ZNF462: variants seen among roughly 807,000 people sequenced by gnomAD.
The protein encoded by ZNF462 is zinc finger protein 462, also known as zinc finger PBX1-interacting protein.
A neutral mutation model predicts 201.9 loss-of-function variants in ZNF462; 10 were observed. The observed-to-expected ratio is 0.05, with a 90% CI of 0.03 to 0.08. The LOEUF is 0.08. Among genes scored for constraint, ZNF462 ranks in the 10% least tolerant of loss-of-function variants. The pLI, the probability that ZNF462 is intolerant of heterozygous loss-of-function variation, is 1.00. For synonymous variants in ZNF462, 1,227 were observed against 1,193.3 expected, an observed-to-expected ratio of 1.03 and a Z score of -0.58; for missense variants, 2,523 against 3,168.3, an observed-to-expected ratio of 0.80 and a Z score of 4.89.
chr9:107,000,889 G>C (rs1040943884), intron 10 of ZNF462, among the ~76,000 whole-genome samples: 3 of 152,120 alleles, frequency 2.0e-5, no homozygotes, highest in Non-Finnish European at 4.4e-5. Flanking sequence ...AGAAGCAGGG[G>C]TTCCAGTGTG....
chr9:106,964,269 A>G (rs1342472750), intron 7 of ZNF462, among the ~76,000 whole-genome samples: 1 of 151,950 alleles, frequency 6.6e-6, no homozygotes, highest in African/African-American at 2.4e-5. Context: ...AGACTGTACC[A>G]TTTTGCATTC....
At chr9:107,002,890 A>T (rs1257551129) in intron 10 of ZNF462, among the ~76,000 whole-genome samples, 3 of 152,252 alleles carry the variant, frequency 2.0e-5, no homozygotes, top group Non-Finnish European at 2.9e-5. Context: ...GCATGCTTGC[A>T]GAACTTCTTC....
chr9:106,864,054 C>CTCTCTCTCTCTCTCTCTG (rs2130746476), intron 1 of ZNF462, among the ~76,000 whole-genome samples: 3 of 62,890 alleles, frequency 4.8e-5, no homozygotes, highest in Admixed American at 3.2e-4. Context: ...CTCTCTCTCT[C>CTCTCTCTCTCTCTCTCTG]TCTCTCTCTC....
Position 106,977,041 on chromosome 9 carries a change from TATCAGAGGAG to T in ZNF462, c.6832+2769_6832+2778del. 6.6e-6 allele frequency among the ~76,000 whole-genome samples: 1 copy of T among 152,188 alleles called. No individual in the cohort carries two copies. The highest frequency in any genetic ancestry group is 3.4e-3 in the Middle Eastern group (1 of 294). ...TGGCGGCTGAGTTCAAAGACAGAAT[TATCAGAGGAG>T]GTCAGAGGGGAAGTCCACGGATCCA... On this transcript the variant is annotated intron_variant, in intron 9 of 12. Coordinates refer to ENST00000277225, the MANE Select transcript of ZNF462 (RefSeq NM_021224.6). This position sits in a 1 kb window ranked among gnomAD's most constrained non-coding sequence, Gnocchi z 4.6.
rs1830078151 is a variant in ZNF462, at chr9:106,923,748, A to G, written c.220+145A>G. ...CATTTTTGTGGTTTGGGCATCATGT[A>G]TCTCTCCTTGAGTACCTTAGGTTTT... On this transcript the variant is annotated intron_variant, in intron 2 of 12. Transcript: ENST00000277225. The surrounding 1 kb of genome is among the most constrained non-coding windows in gnomAD (Gnocchi z 5.6). 3 of 758,158 alleles carry G rather than the reference A, an allele frequency of 4.0e-6. No homozygotes were observed. The highest frequency in any genetic ancestry group is 6.4e-6 in the Non-Finnish European group (3 of 472,402). The allele number at this position is 758,158 out of a possible 1,614,324, so 47.0% of individuals were successfully genotyped here. A position where few individuals can be genotyped will look rare whatever the true frequency, so the allele number is the denominator to read the frequency against.
chr9:106,930,638 C>A lies in ZNF462; in HGVS notation c.5961C>A (p.Leu1987=), dbSNP rs773236745. The A allele has an allele frequency of 3.7e-6, 6 of 1,614,152 alleles. No individual in the cohort carries two copies. In the South Asian group the frequency reaches 4.4e-5, roughly 12 times the overall value. The part of the protein sequence containing the change: ...HPTLRAICNH[L]RKHVQYGNVP... ...CGCTCCGAGCCATCTGCAATCACCT[C>A]CGAAAGCACGTCCAGTATGGCAATG... Residue 1987 remains leucine (L), a synonymous_variant, in exon 4 of 13, where the codon CTC becomes CTA. Coordinates refer to ENST00000277225, the MANE Select transcript of ZNF462 (RefSeq NM_021224.6). This position sits in a 1 kb window ranked among gnomAD's most constrained non-coding sequence, Gnocchi z 5.8.
chr9:106,916,570 G>A (rs573719022), intron 1 of ZNF462, among the ~76,000 whole-genome samples: 4 of 151,586 alleles, frequency 2.6e-5, no homozygotes, highest in East Asian at 3.9e-4. Flanking sequence ...GTTTAGCTCT[G>A]GGGGGGGAGA....
chr9:106,994,668 TC>T (rs1366205055), intron 10 of ZNF462, among the ~76,000 whole-genome samples: 2 of 152,152 alleles, frequency 1.3e-5, no homozygotes, highest in Non-Finnish European at 2.9e-5. Context: ...CTCTGTCTCT[TC>T]CGTGTGTTGT....
At position 106,932,505 on chromosome 9, in the gene ZNF462, G is replaced by T. The variant is rs773632518; in HGVS notation, c.6072G>T (p.Lys2024Asn). 6.2e-7 allele frequency: 1 copy of T among 1,614,266 alleles called. No homozygotes were observed. The highest frequency in any genetic ancestry group is 8.5e-7 in the Non-Finnish European group (1 of 1,180,056). ...TGGCCATGTTTACCCGCGAGGACAA[G>T]TACAGCTGCCAGTATTGCTCGTTTG... is the stretch of plus-strand genomic sequence containing the variant. ...LALAMFTRED[K>N]YSCQYCSFVS... Residue 2024 changes from lysine (K) to asparagine (N), a missense_variant, in exon 5 of 13, where the codon AAG becomes AAT. This residue lies in a region of ZNF462 where 107 missense variants were observed against 187.7 expected (regional missense o/e 0.57). Coordinates refer to ENST00000277225, the MANE Select transcript of ZNF462 (RefSeq NM_021224.6). This position sits in a 1 kb window ranked among gnomAD's most constrained non-coding sequence, Gnocchi z 6.8.
intron 1 of ZNF462, among the ~76,000 whole-genome samples, chr9:106,891,737 T>G (rs1828587187): frequency 6.6e-6 from 1 of 152,226 alleles, no homozygotes; most frequent in African/African-American, 2.4e-5. Context: ...TTGATATTTA[T>G]CTGAAGTAGC....
intron 10 of ZNF462, among the ~76,000 whole-genome samples, chr9:106,997,767 G>A (rs1212613099): frequency 2.6e-5 from 4 of 152,070 alleles, no homozygotes; most frequent in Admixed American, 6.6e-5. Context: ...GGTACGTTAG[G>A]GGTTGGCAAA....
chr9:106,970,341 C>CG lies in ZNF462; in HGVS notation c.6428-1660dup, dbSNP rs1461812687. ...TCTTGAGGAATATGAATTGAGGAGG[C>CG]GGGGAGGAGAACAAGAAGGGGAAGA... On this transcript the variant is annotated intron_variant, in intron 7 of 12. Coordinates refer to ENST00000277225, the MANE Select transcript of ZNF462 (RefSeq NM_021224.6). This position sits in a 1 kb window ranked among gnomAD's most constrained non-coding sequence, Gnocchi z 4.2. 6.6e-6 allele frequency among the ~76,000 whole-genome samples: 1 copy of CG among 151,968 alleles called. No individual in the cohort carries two copies. The highest frequency in any genetic ancestry group is 1.5e-5 in the Non-Finnish European group (1 of 68,000).
At chr9:106,878,992 T>C (rs2130910986) in intron 1 of ZNF462, among the ~76,000 whole-genome samples, 2 of 152,224 alleles carry the variant, frequency 1.3e-5, no homozygotes, top group African/African-American at 4.8e-5. Flanking sequence ...AAGTAAAGTT[T>C]AATGGTTTGG....
intron 10 of ZNF462, among the ~76,000 whole-genome samples, chr9:106,988,618 T>C (rs1352954827): frequency 2.0e-5 from 3 of 152,204 alleles, no homozygotes; most frequent in Admixed American, 2.0e-4. Flanking sequence ...AATTTGTAGA[T>C]TGCTTTTGGC....
chr9:106,997,629 C>T (rs1454614856), intron 10 of ZNF462, among the ~76,000 whole-genome samples: 1 of 152,128 alleles, frequency 6.6e-6, no homozygotes, highest in African/African-American at 2.4e-5. Context: ...GCACTTTTGA[C>T]CATCTTGCTG....
chr9:106,961,687 C>T (rs577684516), intron 7 of ZNF462, among the ~76,000 whole-genome samples: 2 of 151,878 alleles, frequency 1.3e-5, no homozygotes, highest in South Asian at 4.2e-4. Flanking sequence ...GATGGATGGC[C>T]TAATTTCAAA....
rs1173381855 is a variant in ZNF462, at chr9:106,962,475, G to T, written c.6428-9530G>T. On this transcript the variant is annotated intron_variant, in intron 7 of 12. Transcript: ENST00000277225. The surrounding 1 kb of genome is among the most constrained non-coding windows in gnomAD (Gnocchi z 4.6). ...CTTGGCCTCAGGTCAGACCTGCCTG[G>T]ATTCCTCAAAAATATAAAGAAAAAA... Among the ~76,000 whole-genome samples the T allele has an allele frequency of 2.0e-5, 3 of 151,962 alleles. No homozygotes were observed. Among genetic ancestry groups the T allele is most frequent in the Non-Finnish European group, 4.4e-5 (3 of 67,960 alleles).
chr9:106,947,486 C>G (rs1323135973), intron 7 of ZNF462, among the ~76,000 whole-genome samples: 3 of 152,170 alleles, frequency 2.0e-5, no homozygotes, highest in Non-Finnish European at 2.9e-5. Flanking sequence ...TATTTTTTTC[C>G]CCTTTGGCCA....
In ZNF462 at chr9:106,879,633, C is replaced by A. The variant is rs894933935; in HGVS notation, c.-31+16278C>A. On this transcript the variant is annotated intron_variant, in intron 1 of 12. Transcript: ENST00000277225. ...GTGCTCAGATTTGAGACCGGCCATC[C>A]ATTCAAAGCCTGCAATCATCTCGGA... is the stretch of plus-strand genomic sequence containing the variant. Among the ~76,000 whole-genome samples the A allele has an allele frequency of 2.6e-5, 4 of 152,064 alleles. No individual in the cohort carries two copies. In the South Asian group the frequency reaches 8.3e-4, roughly 32 times the overall value.
Sources: gnomAD v4.1 joint callset for allele counts (sites outside exome capture counted in the v4.1 genomes callset) on GRCh38, gnomAD v4.1.1 for gene constraint, gnomAD v4.1.1 regional missense constraint, Gnocchi (gnomAD v3.1) non-coding constraint, MANE v1.5 for transcripts, NCBI Gene and HGNC (gene_info 2026-07-23, HGNC 2026-07-21) for gene names.